Variants in CCDC85C observed in about 807,000 individuals in gnomAD.
CCDC85C encodes the protein coiled-coil domain containing 85C.
In CCDC85C, 18 loss-of-function variants were observed where a neutral mutation model predicts 38.3. That is an observed-to-expected ratio of 0.47 (90% CI 0.33 to 0.70). CCDC85C has a LOEUF of 0.70. Ranked by LOEUF, CCDC85C falls within the 30% of genes least tolerant of loss-of-function variation. The pLI is 0.03. For missense variants in CCDC85C, 566 were observed against 621.2 expected, an observed-to-expected ratio of 0.91 and a Z score of 0.94; for synonymous variants, 264 against 293.8, an observed-to-expected ratio of 0.90 and a Z score of 1.04.
At position 99,603,021 on chromosome 14, in the gene CCDC85C, C is replaced by T. The variant is rs1181776580; in HGVS notation, c.793+146G>A. The T allele has an allele frequency of 2.2e-5, 24 of 1,100,662 alleles. No individual in the cohort carries two copies. The East Asian group carries it at 5.8e-4, about 27-fold the overall frequency. The allele number at this position is 1,100,662 out of a possible 1,614,324, so 68.2% of individuals were successfully genotyped here. A position where few individuals can be genotyped will look rare whatever the true frequency, so the allele number is the denominator to read the frequency against. ...CCCCACTTTGGGTGAGTGCGGGATC[C>T]CCTGGCCCAGGATCCATGACAGCTG... On this transcript the variant is annotated intron_variant, in intron 1 of 5. Transcript: ENST00000380243. The surrounding 1 kb of genome is among the most constrained non-coding windows in gnomAD (Gnocchi z 7.5).
At position 99,603,280 on chromosome 14, in the gene CCDC85C, A is replaced by C. The variant is rs2055226777; in HGVS notation, c.680T>G (p.Leu227Arg). The change falls in exon 1 of 6, where the codon CTG becomes CGG. Residue 227 changes from leucine to arginine, a missense_variant. Physicochemically the swap from Leu to Arg is moderately radical, Grantham distance 102. Coordinates refer to ENST00000380243, the MANE Select transcript of CCDC85C (RefSeq NM_001144995.2). This position sits in a 1 kb window ranked among gnomAD's most constrained non-coding sequence, Gnocchi z 7.5. Reference protein sequence around the residue: ...PDHHHHVPPPLLPPGPHKAPD... With the variant: ...PDHHHHVPPPRLPPGPHKAPD... ...GGCCTTGTGCGGCCCGGGGGGCAGC[A>C]GCGGGGGTGGGACGTGGTGGTGGTG... 2 of 1,380,934 alleles carry C rather than the reference A, an allele frequency of 1.4e-6. No homozygotes were observed. The highest frequency in any genetic ancestry group is 1.9e-6 in the Non-Finnish European group (2 of 1,072,526). 85.5% of individuals were successfully genotyped at this position (1,380,934 alleles called of 1,614,324 possible).
Position 99,572,567 on chromosome 14 carries a change from G to T in CCDC85C, c.793+30600C>A, listed in dbSNP as rs1039214707. ...TCGGTCACCAGAGTCCAGCCACAGG[G>T]CCTGGTCAGCTCCGGGAAAGCTCTG... On this transcript the variant is annotated intron_variant, in intron 1 of 5. Coordinates refer to ENST00000380243, the MANE Select transcript of CCDC85C (RefSeq NM_001144995.2). The surrounding 1 kb of genome is among the most constrained non-coding windows in gnomAD (Gnocchi z 4.4). 2.6e-5 allele frequency among the ~76,000 whole-genome samples: 4 copies of T among 152,186 alleles called. No homozygotes were observed. Among genetic ancestry groups the T allele is most frequent in the African/African-American group, 7.2e-5 (3 of 41,430 alleles).
At chr14:99,543,984 G>C (rs1897760407) in intron 1 of CCDC85C, among the ~76,000 whole-genome samples, 2 of 152,160 alleles carry the variant, frequency 1.3e-5, no homozygotes, top group African/African-American at 4.8e-5. Flanking sequence ...CAGTGCCCTG[G>C]GCGTGGAAAA....
chr14:99,521,704 C>T (rs910574409), intron 3 of CCDC85C, among the ~76,000 whole-genome samples: 12 of 152,208 alleles, frequency 7.9e-5, no homozygotes, highest in Admixed American at 7.2e-4. Context: ...TGGCTCCAAG[C>T]CGCCCACCCC....
Position 99,516,212 on chromosome 14 carries a change from C to T in CCDC85C, c.1146G>A (p.Lys382=). 1 of 1,551,326 alleles carries T rather than the reference C, an allele frequency of 6.4e-7. No homozygotes were observed. Among genetic ancestry groups the T allele is most frequent in the East Asian group, 2.4e-5 (1 of 40,914 alleles). Residue 382 remains lysine (K), a synonymous_variant, in exon 5 of 6, where the codon AAG becomes AAA. Coordinates refer to ENST00000380243, the MANE Select transcript of CCDC85C (RefSeq NM_001144995.2). The surrounding 1 kb of genome is among the most constrained non-coding windows in gnomAD (Gnocchi z 5.5). ...CGTTGCACATCTCGCGAACGATGGC[C>T]TTCTCCTTCTCACTCAGGTCCTCCT... ...SCEEDLSEKE[K]AIVREMCNVV...
intron 1 of CCDC85C, among the ~76,000 whole-genome samples, chr14:99,538,324 T>TGGAGAGAAGCTG (rs942999427): frequency 2.6e-5 from 4 of 152,134 alleles, no homozygotes; most frequent in African/African-American, 9.7e-5. Context: ...GCCCCAGCCT[T>TGGAGAGAAGCTG]GGAGAGAAGC....
In CCDC85C at chr14:99,603,196, T is replaced by A; in HGVS notation, c.764A>T (p.His255Leu). 1 of 1,422,606 alleles carries A rather than the reference T, an allele frequency of 7.0e-7. No homozygotes were observed. 88.1% of individuals were successfully genotyped at this position (1,422,606 alleles called of 1,614,324 possible). A position where few individuals can be genotyped will look rare whatever the true frequency, so the allele number is the denominator to read the frequency against. Residue 255 changes from histidine (H) to leucine (L), a missense_variant, in exon 1 of 6, where the codon CAC (histidine) becomes CTC (leucine). By Grantham distance (99) the His-to-Leu change is moderately conservative. Around this residue, in one of 3 missense-constraint regions of CCDC85C, gnomAD observed 286 missense variants for 276.4 expected, o/e 1.03. Transcript: ENST00000380243. This position sits in a 1 kb window ranked among gnomAD's most constrained non-coding sequence, Gnocchi z 7.5. ...RSLDDLSAPPHHRSIPNGLHD... is the reference protein window; with the variant it reads ...RSLDDLSAPPLHRSIPNGLHD... Reference sequence around the variant, plus strand: ...CAGGCCGTTGGGGATGCTGCGGTGGTGCGGCGGCGCCGACAAGTCGTCCAG... The same window carrying A: ...CAGGCCGTTGGGGATGCTGCGGTGGAGCGGCGGCGCCGACAAGTCGTCCAG...
Position 99,505,315 on chromosome 14 carries a change from G to T in CCDC85C, c.*9931C>A, listed in dbSNP as rs1340865701. On this transcript the variant is annotated 3_prime_UTR_variant, in exon 6 of 6. Transcript: ENST00000380243. ...GGAAGCTTTATAGAGGAACTCAGCT[G>T]CACTGTGCCATGCCGAAGGCTACTG... The T allele has an allele frequency of 6.6e-6, 1 of 152,240 alleles. No individual in the cohort carries two copies. The highest frequency in any genetic ancestry group is 1.5e-5 in the Non-Finnish European group (1 of 68,052). The allele number at this position is 152,240 out of a possible 1,614,324, so 9.4% of individuals were successfully genotyped here.
chr14:99,583,855 T>TA (rs2055000280), intron 1 of CCDC85C, among the ~76,000 whole-genome samples: 1 of 145,188 alleles, frequency 6.9e-6, no homozygotes, highest in East Asian at 2.0e-4. Context: ...ACACATGTGA[T>TA]AAAATCTCAT....
In CCDC85C at chr14:99,512,818, T is replaced by C. The variant is rs3918136; in HGVS notation, c.*2428A>G. ...CTGGGAGTCACCCTGAGCTACAGCA[T>C]GCCCAGATTTCCCCTGTGGGAAGCC... On this transcript the variant is annotated 3_prime_UTR_variant, in exon 6 of 6. Transcript: ENST00000380243. 0.96 allele frequency: 146,139 copies of C among 152,384 alleles called. 70,339 individuals are homozygous for C. The highest frequency in any genetic ancestry group is 1 in the East Asian group (5,188 of 5,188). 9.4% of individuals were successfully genotyped at this position (152,384 alleles called of 1,614,324 possible).
intron 2 of CCDC85C, among the ~76,000 whole-genome samples, chr14:99,527,069 G>A (rs1428570808): frequency 6.6e-6 from 1 of 152,200 alleles, no homozygotes; most frequent in African/African-American, 2.4e-5. Context: ...TAGCACAGAG[G>A]CCTCCACAGA....
At chr14:99,581,389 G>T (rs1432311260) in intron 1 of CCDC85C, among the ~76,000 whole-genome samples, 2 of 152,214 alleles carry the variant, frequency 1.3e-5, no homozygotes, top group African/African-American at 4.8e-5. Context: ...GACAACCGTG[G>T]AAGTTCTATC....
Position 99,501,935 on chromosome 14 carries a change from T to C in CCDC85C, c.*13311A>G. 3.3e-6 allele frequency: 1 copy of C among 301,124 alleles called. No homozygotes were observed. The highest frequency in any genetic ancestry group is 6.1e-6 in the Non-Finnish European group (1 of 164,544). 18.7% of individuals were successfully genotyped at this position (301,124 alleles called of 1,614,324 possible). On this transcript the variant is annotated 3_prime_UTR_variant, in exon 6 of 6. Transcript: ENST00000380243. ...GTGGCTAGGATTTCAACAGTTTAAA[T>C]AACATAAGTCATTTTCATTGGTGTA...
intron 1 of CCDC85C, among the ~76,000 whole-genome samples, chr14:99,568,475 C>T (rs977896298): frequency 2.8e-4 from 43 of 152,066 alleles, no homozygotes; most frequent in African/African-American, 1.0e-3. Flanking sequence ...CCCGCCTCCC[C>T]AGCTTCCTTG....
chr14:99,566,666 T>G (rs1898221495), intron 1 of CCDC85C, among the ~76,000 whole-genome samples: 2 of 152,284 alleles, frequency 1.3e-5, no homozygotes, highest in South Asian at 4.1e-4. Flanking sequence ...GGCGCCCACC[T>G]CCTACCAGGC....
Position 99,510,535 on chromosome 14 carries a change from T to TCCCACCCCCTACTCCTGGCTACCC in CCDC85C, c.*4687_*4710dup. The TCCCACCCCCTACTCCTGGCTACCC allele has an allele frequency of 2.9e-6, 1 of 339,554 alleles. No homozygotes were observed. 21.0% of individuals were successfully genotyped at this position (339,554 alleles called of 1,614,324 possible). ...CCAGCCTCCTTCCCCCCACCTGCCATCCCACCCCCTACTCCTGGCTACCCC... is the reference window on the plus strand; with the variant it reads ...CCAGCCTCCTTCCCCCCACCTGCCATCCCACCCCCTACTCCTGGCTACCCCCCACCCCCTACTCCTGGCTACCCC... On this transcript the variant is annotated 3_prime_UTR_variant, in exon 6 of 6. Transcript: ENST00000380243.
Position 99,535,915 on chromosome 14 carries a change from G to T in CCDC85C, c.867+100C>A. ...ACAGGTGGCAGTGGGAGCAGTTGGGGGGACAGCCTAGGTCCCAAGGGGAAG... is the reference window on the plus strand; with the variant it reads ...ACAGGTGGCAGTGGGAGCAGTTGGGTGGACAGCCTAGGTCCCAAGGGGAAG... On this transcript the variant is annotated intron_variant, in intron 2 of 5. Transcript: ENST00000380243. The surrounding 1 kb of genome is among the most constrained non-coding windows in gnomAD (Gnocchi z 5.5). 1 of 873,882 alleles carries T rather than the reference G, an allele frequency of 1.1e-6. No individual in the cohort carries two copies. The highest frequency in any genetic ancestry group is 1.5e-5 in the South Asian group (1 of 68,370). 54.1% of individuals were successfully genotyped at this position (873,882 alleles called of 1,614,324 possible).
rs999457091 is a variant in CCDC85C at position 99,511,807 on chromosome 14, C to T, written c.*3439G>A. 1 of 152,604 alleles carries T rather than the reference C, an allele frequency of 6.6e-6. No homozygotes were observed. The highest frequency in any genetic ancestry group is 6.5e-5 in the Admixed American group (1 of 15,290). 9.5% of individuals were successfully genotyped at this position (152,604 alleles called of 1,614,324 possible). On this transcript the variant is annotated 3_prime_UTR_variant, in exon 6 of 6. Transcript: ENST00000380243. ...GAAGCCTTGCTGCGTAGAACGCACACAGGAACCCGGGGGCTTGGATTTGAA... is the reference window on the plus strand; with the variant it reads ...GAAGCCTTGCTGCGTAGAACGCACATAGGAACCCGGGGGCTTGGATTTGAA...
chr14:99,539,391 A>T (rs923874116), intron 1 of CCDC85C, among the ~76,000 whole-genome samples: 1 of 149,428 alleles, frequency 6.7e-6, no homozygotes, highest in African/African-American at 2.5e-5. Flanking sequence ...AATCACTTGA[A>T]CCTGGGAGGC....
Sources: gnomAD v4.1 joint callset for allele counts (sites outside exome capture counted in the v4.1 genomes callset) on GRCh38, gnomAD v4.1.1 for gene constraint, gnomAD v4.1.1 regional missense constraint, Gnocchi (gnomAD v3.1) non-coding constraint, MANE v1.5 for transcripts, NCBI Gene and HGNC (gene_info 2026-07-23, HGNC 2026-07-21) for gene names.